The following SLIT3 variants were observed in gnomAD, a reference collection of about 807,000 sequenced individuals.
SLIT3 encodes the protein slit guidance ligand 3.
Under a neutral mutation model 184.0 loss-of-function variants are expected in SLIT3, and 68 were observed. The observed-to-expected ratio is 0.37, with a 90% CI of 0.30 to 0.45. SLIT3 has a LOEUF of 0.45. Among genes scored for constraint, SLIT3 ranks in the 20% least tolerant of loss-of-function variants. The pLI is 1.00. For missense variants in SLIT3, 1,707 were observed against 2,026.0 expected, an observed-to-expected ratio of 0.84 and a Z score of 3.02; for synonymous variants, 831 against 828.6, an observed-to-expected ratio of 1.00 and a Z score of -0.05.
intron 29 of SLIT3, among the ~76,000 whole-genome samples, chr5:168,689,982 A>G (rs1582532842): frequency 6.6e-6 from 1 of 152,332 alleles, no homozygotes; most frequent in Middle Eastern, 3.4e-3. Context: ...GACTGATTTT[A>G]TTCTTTCCTA....
intron 10 of SLIT3, among the ~76,000 whole-genome samples, chr5:168,793,822 G>A (rs1756471515): frequency 6.6e-6 from 1 of 151,916 alleles, no homozygotes; most frequent in Non-Finnish European, 1.5e-5. Flanking sequence ...TGCATGGAGA[G>A]CGGGCTGGGG....
chr5:168,801,549 C>T (rs904453534), intron 9 of SLIT3, among the ~76,000 whole-genome samples: 5 of 152,126 alleles, frequency 3.3e-5, no homozygotes, highest in African/African-American at 7.2e-5. Context: ...ATACGAGACA[C>T]GGGATACCAC....
intron 3 of SLIT3, among the ~76,000 whole-genome samples, chr5:169,232,795 T>G (rs1765052633): frequency 6.6e-6 from 1 of 152,238 alleles, no homozygotes; most frequent in Non-Finnish European, 1.5e-5. Context: ...TAGCATCATC[T>G]TAATTTCCAC....
intron 4 of SLIT3, among the ~76,000 whole-genome samples, chr5:169,029,368 C>G (rs887234547): frequency 1.3e-5 from 2 of 152,190 alleles, no homozygotes; most frequent in African/African-American, 4.8e-5. Flanking sequence ...TGGGCCAGCA[C>G]TATAGCTGTC....
chr5:169,120,637 C>T (rs571098010), intron 4 of SLIT3, among the ~76,000 whole-genome samples: 31 of 152,208 alleles, frequency 2.0e-4, no homozygotes, highest in Non-Finnish European at 3.4e-4. Context: ...GCCACTAAAT[C>T]TGTGGTAATT....
Position 168,752,978 on chromosome 5 carries a change from G to T in SLIT3, c.1950C>A (p.Thr650=). 6.2e-7 allele frequency: 1 copy of T among 1,614,070 alleles called. No individual in the cohort carries two copies. The highest frequency in any genetic ancestry group is 1.1e-5 in the South Asian group (1 of 91,070). The change falls in exon 18 of 36, where the codon ACC becomes ACA. Residue 650 remains threonine (T), a synonymous_variant. Coordinates refer to ENST00000519560, the MANE Select transcript of SLIT3 (RefSeq NM_003062.4). The stretch of plus-strand genomic sequence containing the variant: ...ACATGGTGGACAGGGAGACAAGCGT[G>T]GTGAAGGCCCCAGGGGTGATGGTGG... ...RITTITPGAF[T]TLVSLSTINL... is the part of the protein sequence containing the mutation.
chr5:169,138,422 T>TGG (rs1285683468), intron 4 of SLIT3, among the ~76,000 whole-genome samples: 1 of 152,180 alleles, frequency 6.6e-6, no homozygotes, highest in African/African-American at 2.4e-5. Flanking sequence ...CATATCTGCC[T>TGG]GGCTTCCTCC....
chr5:168,958,595 C>T (rs891744165), intron 4 of SLIT3, among the ~76,000 whole-genome samples: 1 of 152,206 alleles, frequency 6.6e-6, no homozygotes, highest in African/African-American at 2.4e-5. Flanking sequence ...ACAGACTATG[C>T]CCTTAATCAC....
chr5:169,050,623 C>T (rs1757782572), intron 4 of SLIT3, among the ~76,000 whole-genome samples: 1 of 152,022 alleles, frequency 6.6e-6, no homozygotes, highest in Non-Finnish European at 1.5e-5. Context: ...AATAAAATGC[C>T]AATTAATGTT....
At chr5:168,919,894 A>G (rs981642518) in intron 4 of SLIT3, among the ~76,000 whole-genome samples, 1 of 152,154 alleles carries the variant, frequency 6.6e-6, no homozygotes, top group African/African-American at 2.4e-5. Context: ...CGAGGTTTTG[A>G]TGTACACTCA....
At chr5:168,879,850 T>G (rs1404661191) in intron 5 of SLIT3, among the ~76,000 whole-genome samples, 1 of 152,198 alleles carries the variant, frequency 6.6e-6, no homozygotes, top group Non-Finnish European at 1.5e-5. Context: ...TTCTGTGAAG[T>G]GGAAGCTCCA....
At chr5:169,281,554 C>T (rs940663503) in intron 1 of SLIT3, among the ~76,000 whole-genome samples, 3 of 152,140 alleles carry the variant, frequency 2.0e-5, no homozygotes, top group Non-Finnish European at 4.4e-5. Context: ...TTCTTAAAAC[C>T]ACACTGTGTT....
chr5:169,144,309 C>T (rs1761855197), intron 4 of SLIT3, among the ~76,000 whole-genome samples: 1 of 152,242 alleles, frequency 6.6e-6, no homozygotes, highest in Non-Finnish European at 1.5e-5. Context: ...CCGATCTCGG[C>T]CCCCAAGTCC....
intron 5 of SLIT3, among the ~76,000 whole-genome samples, chr5:168,865,091 CTGG>C (rs1759249349): frequency 6.9e-6 from 1 of 144,122 alleles, no homozygotes; most frequent in South Asian, 2.2e-4. Flanking sequence ...TCAATTGAAC[CTGG>C]GAGGCGAGGC....
chr5:168,789,048 C>A (rs1309658636), intron 11 of SLIT3, among the ~76,000 whole-genome samples: 1 of 151,920 alleles, frequency 6.6e-6, no homozygotes, highest in Admixed American at 6.6e-5. Context: ...CAGTGGGCTG[C>A]CTATGGGTTT....
chr5:168,806,985 C>T (rs1042807029), intron 8 of SLIT3, among the ~76,000 whole-genome samples: 2 of 152,104 alleles, frequency 1.3e-5, no homozygotes, highest in African/African-American at 4.8e-5. Flanking sequence ...GCTTTTAGAC[C>T]TTTCTCTAGT....
chr5:169,121,179 A>T (rs1760858234), intron 4 of SLIT3, among the ~76,000 whole-genome samples: 3 of 152,196 alleles, frequency 2.0e-5, no homozygotes, highest in Non-Finnish European at 4.4e-5. Context: ...CCCCTCCAGG[A>T]GACATCAGGA....
At chr5:168,974,204 C>T (rs1754677571) in intron 4 of SLIT3, among the ~76,000 whole-genome samples, 1 of 152,160 alleles carries the variant, frequency 6.6e-6, no homozygotes, top group African/African-American at 2.4e-5. Context: ...GTTGGACCAC[C>T]CAGTAAGTTC....
chr5:168,951,495 C>T (rs1033250873), intron 4 of SLIT3, among the ~76,000 whole-genome samples: 4 of 152,148 alleles, frequency 2.6e-5, no homozygotes, highest in Non-Finnish European at 4.4e-5. Flanking sequence ...CCAGTGTTTT[C>T]TTTCAAATGG....
Sources: allele counts gnomAD v4.1 joint callset (sites outside exome capture counted in the v4.1 genomes callset), GRCh38; gene constraint gnomAD v4.1.1; transcripts MANE v1.5; gene names NCBI Gene and HGNC (gene_info 2026-07-23, HGNC 2026-07-21).